Variants in KCNJ6 observed in about 807,000 individuals in gnomAD.
The protein encoded by KCNJ6 is G protein-activated inward rectifier potassium channel 2.
A neutral mutation model predicts 34.2 loss-of-function variants in KCNJ6; 9 were observed. The observed-to-expected ratio is 0.26, with a 90% CI of 0.16 to 0.46. The LOEUF is 0.46. Ranked by LOEUF, KCNJ6 falls within the 20% of genes least tolerant of loss-of-function variation. The pLI is 1.00. For synonymous variants in KCNJ6, 196 were observed against 207.1 expected, an observed-to-expected ratio of 0.95 and a Z score of 0.46; for missense variants, 236 against 531.3, an observed-to-expected ratio of 0.44 and a Z score of 5.46.
intron 2 of KCNJ6, among the ~76,000 whole-genome samples, chr21:37,796,650 AAG>A (rs1568851781): frequency 5.3e-5 from 8 of 152,182 alleles, no homozygotes; most frequent in Non-Finnish European, 8.8e-5. Context: ...GGCCTCCTGG[AAG>A]ACCAACTTCC....
In KCNJ6 at chr21:37,620,102, C is replaced by T. The variant is rs531946095; in HGVS notation, c.*5057G>A. The T allele has an allele frequency of 1.3e-4, 20 of 152,192 alleles. No homozygotes were observed. The highest frequency in any genetic ancestry group is 6.5e-4 in the Admixed American group (10 of 15,294). 9.4% of individuals were successfully genotyped at this position (152,192 alleles called of 1,614,324 possible). ...CAATAATTTATGCTAGAAAAAAAGTCATTCTTCTATATTGCCTAGGACTCT... is the reference window on the plus strand; with the variant it reads ...CAATAATTTATGCTAGAAAAAAAGTTATTCTTCTATATTGCCTAGGACTCT... On this transcript the variant is annotated 3_prime_UTR_variant, in exon 4 of 4. Coordinates refer to ENST00000609713, the MANE Select transcript of KCNJ6 (RefSeq NM_002240.5).
At chr21:37,692,752 A>G (rs2054645603) in intron 3 of KCNJ6, among the ~76,000 whole-genome samples, 2 of 152,194 alleles carry the variant, frequency 1.3e-5, no homozygotes, top group South Asian at 4.1e-4. Flanking sequence ...CTAACAAACA[A>G]AATGTTTCCA....
intron 3 of KCNJ6, among the ~76,000 whole-genome samples, chr21:37,672,762 TTCTC>T (rs1187895263): frequency 5.3e-5 from 8 of 152,052 alleles, no homozygotes; most frequent in Admixed American, 6.6e-5. Context: ...TTCCCTTCCT[TTCTC>T]TTTCTTTCTT....
intron 1 of KCNJ6, among the ~76,000 whole-genome samples, chr21:37,856,751 A>G (rs7283271): frequency 0.47 from 71,301 of 151,812 alleles, 17,442 homozygotes; most frequent in East Asian, 0.61. Flanking sequence ...ATTTTTCAAA[A>G]TTAAAAAAAG....
chr21:37,641,810 G>A (rs898730048), intron 3 of KCNJ6, among the ~76,000 whole-genome samples: 2 of 152,200 alleles, frequency 1.3e-5, no homozygotes, highest in African/African-American at 4.8e-5. Flanking sequence ...GAAATAGAAA[G>A]CTGCTTCAAT....
At chr21:37,647,629 G>A (rs113881492) in intron 3 of KCNJ6, among the ~76,000 whole-genome samples, 110 of 152,160 alleles carry the variant, frequency 7.2e-4, no homozygotes, top group African/African-American at 2.7e-3. Flanking sequence ...CAAACATTAG[G>A]GACAGTCTCC....
chr21:37,709,277 C>T (rs1428655622), intron 3 of KCNJ6, among the ~76,000 whole-genome samples: 1 of 151,956 alleles, frequency 6.6e-6, no homozygotes, highest in Non-Finnish European at 1.5e-5. Context: ...TTTGGGAGGC[C>T]AAGGTGGGTG....
chr21:37,769,638 A>C (rs1427004324), intron 2 of KCNJ6, among the ~76,000 whole-genome samples: 2 of 151,622 alleles, frequency 1.3e-5, no homozygotes, highest in Non-Finnish European at 2.9e-5. Flanking sequence ...AAGTTACGGA[A>C]TTGATTGGGA....
chr21:37,898,085 C>T (rs1033562180), intron 1 of KCNJ6, among the ~76,000 whole-genome samples: 1 of 152,054 alleles, frequency 6.6e-6, no homozygotes, highest in African/African-American at 2.4e-5. Flanking sequence ...CTGGGAGGCT[C>T]GATGAAGTAT....
intron 1 of KCNJ6, among the ~76,000 whole-genome samples, chr21:37,893,411 T>C (rs2055772369): frequency 6.6e-6 from 1 of 151,658 alleles, no homozygotes; most frequent in Non-Finnish European, 1.5e-5. Context: ...TTTCACTATC[T>C]TGGCCAGGCT....
intron 3 of KCNJ6, among the ~76,000 whole-genome samples, chr21:37,643,116 A>T (rs1311515811): frequency 6.6e-6 from 1 of 152,186 alleles, no homozygotes; most frequent in Non-Finnish European, 1.5e-5. Flanking sequence ...GACAACAGGC[A>T]TATAGTTGGG....
At chr21:37,859,532 A>AATATATAAATAT (rs1314520665) in intron 1 of KCNJ6, among the ~76,000 whole-genome samples, 1 of 77,826 alleles carries the variant, frequency 1.3e-5, no homozygotes, top group African/African-American at 7.5e-5. Context: ...TATATATATA[A>AATATATAAATAT]AATACTTAAA....
chr21:37,853,048 A>T (rs1186556588), intron 1 of KCNJ6, among the ~76,000 whole-genome samples: 1 of 152,000 alleles, frequency 6.6e-6, no homozygotes, highest in Non-Finnish European at 1.5e-5. Flanking sequence ...GTAACAAAAG[A>T]TCAAACATTT....
At chr21:37,724,152 G>C (rs2054841653) in intron 2 of KCNJ6, among the ~76,000 whole-genome samples, 1 of 152,114 alleles carries the variant, frequency 6.6e-6, no homozygotes, top group Admixed American at 6.5e-5. Flanking sequence ...AAACTGGGGA[G>C]TGATATGATT....
intron 3 of KCNJ6, among the ~76,000 whole-genome samples, chr21:37,699,877 C>A (rs574781540): frequency 6.6e-6 from 1 of 152,188 alleles, no homozygotes; most frequent in South Asian, 2.1e-4. Context: ...TAAAATGTGT[C>A]TTTAATTTTT....
At chr21:37,630,397 T>C (rs1423086351) in intron 3 of KCNJ6, among the ~76,000 whole-genome samples, 1 of 152,222 alleles carries the variant, frequency 6.6e-6, no homozygotes, top group Admixed American at 6.5e-5. Context: ...ATTTGCACAG[T>C]GCTTCAATAT....
chr21:37,868,652 C>T (rs774474266), intron 1 of KCNJ6, among the ~76,000 whole-genome samples: 38 of 152,168 alleles, frequency 2.5e-4, no homozygotes, highest in Non-Finnish European at 5.0e-4. Flanking sequence ...ATGTGTTAGT[C>T]GGAAAATCAG....
chr21:37,728,409 T>G (rs1167918475), intron 2 of KCNJ6, among the ~76,000 whole-genome samples: 1 of 152,236 alleles, frequency 6.6e-6, no homozygotes, highest in Non-Finnish European at 1.5e-5. Flanking sequence ...CATTGAAGTG[T>G]GCGCTTTAAG....
intron 2 of KCNJ6, among the ~76,000 whole-genome samples, chr21:37,732,432 G>A (rs374229673): frequency 9.2e-5 from 14 of 152,346 alleles, no homozygotes; most frequent in African/African-American, 3.4e-4. Flanking sequence ...TCCCACTCCA[G>A]TTAAGACACA....
Sources: gnomAD v4.1 joint callset for allele counts (sites outside exome capture counted in the v4.1 genomes callset) on GRCh38, gnomAD v4.1.1 for gene constraint, MANE v1.5 for transcripts, NCBI Gene and HGNC (gene_info 2026-07-23, HGNC 2026-07-21) for gene names.